The following C5orf22 variants were observed in gnomAD, a reference collection of about 807,000 sequenced individuals.
C5orf22 encodes chromosome 5 open reading frame 22.
C5orf22 carries 36 observed loss-of-function variants against 48.7 expected under a neutral mutation model. That is an observed-to-expected ratio of 0.74 (90% CI 0.57 to 0.98). The LOEUF (loss-of-function observed/expected upper bound fraction) is 0.98, where lower values mean the gene tolerates loss of function less well. Ranked by LOEUF, C5orf22 falls within the 50% of genes least tolerant of loss-of-function variation. The pLI is 0.00. For synonymous variants in C5orf22, 141 were observed against 180.8 expected (o/e 0.78, Z 1.76); for missense variants, 486 against 521.9 (o/e 0.93, Z 0.67).
rs549181787 is a variant in C5orf22, at chr5:31,533,449, G to A, written c.82-823G>A. Among the ~76,000 whole-genome samples the A allele has an allele frequency of 4.6e-5, 7 of 152,154 alleles. 1 individual carries two copies. The South Asian group carries it at 1.5e-3, about 32-fold the overall frequency. ...AAGTAGCATCAGTAGGCTTGGGATG[G>A]GAGGCAGTTCTCTGGACGTTAAAAA... On this transcript the variant is annotated intron_variant, in intron 1 of 8. Transcript: ENST00000325366.
rs1191624993 is a variant in C5orf22, at chr5:31,541,472, C to A, written c.992+70C>A. The A allele has an allele frequency of 3.3e-6, 5 of 1,530,190 alleles. No individual in the cohort carries two copies. The African/African-American group carries it at 4.1e-5, about 13-fold the overall frequency. The allele number at this position is 1,530,190 out of a possible 1,614,324, so 94.8% of individuals were successfully genotyped here. On this transcript the variant is annotated intron_variant, in intron 6 of 8. Transcript: ENST00000325366. Reference sequence around the variant, plus strand: ...AGTCCTAGATATGTTCCTAAATTTGCAAGATACATTGCTTTTAAAAAAGTA... The same window carrying A: ...AGTCCTAGATATGTTCCTAAATTTGAAAGATACATTGCTTTTAAAAAAGTA...
intron 2 of C5orf22, 102 bp downstream of exon 2, chr5:31,534,519 G>T: frequency 9.4e-7 from 1 of 1,068,484 alleles, no homozygotes; most frequent in Non-Finnish European, 1.3e-6. Flanking sequence ...CATGGGTTTG[G>T]GGGTTTTTTG....
intron 4 of C5orf22, 88 bp from the exon 5 acceptor site, chr5:31,540,861 A>G (rs1260303454): frequency 2.2e-6 from 2 of 917,816 alleles, no homozygotes; most frequent in Non-Finnish European, 3.5e-6. Flanking sequence ...TTGTATCACA[A>G]GGAAGGTTGT....
rs147175944 is a variant in C5orf22, at chr5:31,535,808, T to G, written c.292T>G (p.Trp98Gly). The change falls in exon 3 of 9, where the codon TGG becomes GGG. Residue 98 changes from tryptophan to glycine, a missense_variant. By Grantham distance (184) the Trp-to-Gly change is radical. This residue lies in a region of C5orf22 where 408 missense variants were observed against 444.0 expected (regional missense o/e 0.92). Coordinates refer to ENST00000325366, the MANE Select transcript of C5orf22 (RefSeq NM_018356.3). ...TGCTGGCCATTTTTCACATGTAATA[T>G]GGTTTCATCCCACATGGGCTCAGCA... ...VYAGHFSHVIWFHPTWAQQIR... is the reference protein window; with the variant it reads ...VYAGHFSHVIGFHPTWAQQIR... 6.2e-7 allele frequency: 1 copy of G among 1,613,280 alleles called. No homozygotes were observed. Among genetic ancestry groups the G allele is most frequent in the East Asian group, 2.2e-5 (1 of 44,816 alleles).
intron 8 of C5orf22, 98 bp downstream of exon 8, chr5:31,551,530 G>C: frequency 1.1e-6 from 1 of 935,472 alleles, no homozygotes; most frequent in Non-Finnish European, 1.6e-6. Flanking sequence ...AAGGAAATTC[G>C]CAGTGTGATT....
chr5:31,539,858 C>T (rs1007386203), intron 4 of C5orf22, among the ~76,000 whole-genome samples: 6 of 151,762 alleles, frequency 4.0e-5, no homozygotes, highest in Non-Finnish European at 8.8e-5. Context: ...GCGTAGGCAA[C>T]GTAGCAAGAC....
intron 1 of C5orf22, among the ~76,000 whole-genome samples, chr5:31,533,228 G>A (rs1296146953): frequency 2.6e-5 from 4 of 151,750 alleles, no homozygotes; most frequent in East Asian, 2.0e-4. Context: ...TGCTGGGATT[G>A]CAGGCGTGAG....
At position 31,532,397 on chromosome 5, in the gene C5orf22, G is replaced by A. The variant is rs1419087521; in HGVS notation, c.5G>A (p.Ser2Asn). 5 of 1,613,884 alleles carry A rather than the reference G, an allele frequency of 3.1e-6. No individual in the cohort carries two copies. Among genetic ancestry groups the A allele is most frequent in the African/African-American group, 2.7e-5 (2 of 74,894 alleles). Residue 2 changes from serine (S) to asparagine (N), a missense_variant, in exon 1 of 9, where the codon AGT (serine) becomes AAT (asparagine). Ser to Asn is a conservative substitution (Grantham distance 46, BLOSUM62 1). Transcript: ENST00000325366. Reference sequence around the variant, plus strand: ...AAAACTGACGGGCGCAAAAACATGAGTGACTCCGCGGGAGGGCGCGCTGGT... The same window carrying A: ...AAAACTGACGGGCGCAAAAACATGAATGACTCCGCGGGAGGGCGCGCTGGT... M[S>N]DSAGGRAGLR...
intron 5 of C5orf22, 94 bp downstream of exon 5, chr5:31,541,105 AGT>A (rs35650579): frequency 0.26 from 176,762 of 670,790 alleles, 8,332 homozygotes; most frequent in Non-Finnish European, 0.28. Flanking sequence ...GACTGCTCAA[AGT>A]GTGTGTGTGT....
In C5orf22 at chr5:31,535,801, T is replaced by G. The variant is rs754627032; in HGVS notation, c.285T>G (p.His95Gln). The change falls in exon 3 of 9, where the codon CAT becomes CAG. Residue 95 changes from histidine (H) to glutamine (Q), a missense_variant. This residue lies in a region of C5orf22 where 408 missense variants were observed against 444.0 expected (regional missense o/e 0.92). Coordinates refer to ENST00000325366, the MANE Select transcript of C5orf22 (RefSeq NM_018356.3). ...MPAVYAGHFS[H>Q]VIWFHPTWAQ... ...CAGTTTATGCTGGCCATTTTTCACA[T>G]GTAATATGGTTTCATCCCACATGGG... 6.2e-7 allele frequency: 1 copy of G among 1,613,156 alleles called. No homozygotes were observed. Among genetic ancestry groups the G allele is most frequent in the South Asian group, 1.1e-5 (1 of 90,876 alleles).
Position 31,534,433 on chromosome 5 carries a change from AT to A in C5orf22, c.227+19del. ...CACTCTTTGGGTAATATGTGATTTT[AT>A]TTATGGTCTTTTGTGTTTGAAGTAC... On this transcript the variant is annotated intron_variant, in intron 2 of 8. Transcript: ENST00000325366. 2 of 1,595,688 alleles carry A rather than the reference AT, an allele frequency of 1.3e-6. No individual in the cohort carries two copies. The highest frequency in any genetic ancestry group is 1.7e-6 in the Non-Finnish European group (2 of 1,172,766).
chr5:31,543,622 G>T lies in C5orf22; in HGVS notation c.993-2024G>T, dbSNP rs113664944. On this transcript the variant is annotated intron_variant, in intron 6 of 8. Transcript: ENST00000325366. The stretch of plus-strand genomic sequence containing the variant: ...AATGCTTTTTCCTCTTCAGTATAGG[G>T]TTCTAAAATGATTCCCTGTTTTTTG... Among the ~76,000 whole-genome samples, 602 of 152,222 alleles carry T rather than the reference G, an allele frequency of 4.0e-3. 8 individuals carry two copies. The highest frequency in any genetic ancestry group is 0.014 in the African/African-American group (584 of 41,532).
At chr5:31,536,047 T>A (rs1742056731) in intron 3 of C5orf22, among the ~76,000 whole-genome samples, 154 bp downstream of exon 3, 1 of 152,220 alleles carries the variant, frequency 6.6e-6, no homozygotes, top group South Asian at 2.1e-4. Context: ...AACAAACTTT[T>A]AAGTCTCTTG....
intron 3 of C5orf22, 140 bp downstream of exon 3, chr5:31,536,033 G>T: frequency 1.4e-6 from 1 of 734,452 alleles, no homozygotes; most frequent in Admixed American, 3.3e-5. Context: ...CTCAAAACAC[G>T]AAGAACAAAC....
chr5:31,539,592 G>A (rs1437526464), intron 4 of C5orf22, among the ~76,000 whole-genome samples: 1 of 152,174 alleles, frequency 6.6e-6, no homozygotes, highest in Non-Finnish European at 1.5e-5. Context: ...TCCTTTTAGA[G>A]TGCTATTAGG....
chr5:31,553,115 T>C lies in C5orf22; in HGVS notation c.*213T>C. The C allele has an allele frequency of 2.6e-6, 1 of 387,804 alleles. No homozygotes were observed. Among genetic ancestry groups the C allele is most frequent in the Non-Finnish European group, 4.6e-6 (1 of 216,204 alleles). 24.0% of individuals were successfully genotyped at this position (387,804 alleles called of 1,614,324 possible). On this transcript the variant is annotated 3_prime_UTR_variant, in exon 9 of 9. Coordinates refer to ENST00000325366, the MANE Select transcript of C5orf22 (RefSeq NM_018356.3). ...CTCATAACCCCAACTGATAGAACTG[T>C]TGCTTATCTGTCTTCCTTAAGTATT...
intron 2 of C5orf22, chr5:31,534,975 A>G (rs969019073): frequency 8.8e-6 from 4 of 454,664 alleles, no homozygotes; most frequent in Non-Finnish European, 1.3e-5. Context: ...TTGGATTCTC[A>G]CGTCTATTTC....
chr5:31,542,508 C>T (rs1742537503), intron 6 of C5orf22, among the ~76,000 whole-genome samples: 1 of 147,212 alleles, frequency 6.8e-6, no homozygotes, highest in African/African-American at 2.5e-5. Context: ...TAAGGAAAAC[C>T]CAAACACAAG....
chr5:31,532,663 G>A (rs561866595), intron 1 of C5orf22, among the ~76,000 whole-genome samples, 190 bp downstream of exon 1: 1 of 152,194 alleles, frequency 6.6e-6, no homozygotes, highest in East Asian at 1.9e-4. Flanking sequence ...ATTTATGGGC[G>A]CTTCCTACGA....
Sources: allele counts gnomAD v4.1 joint callset (sites outside exome capture counted in the v4.1 genomes callset), GRCh38; gene constraint gnomAD v4.1.1; regional missense constraint gnomAD v4.1.1; transcripts MANE v1.5; gene names NCBI Gene and HGNC (gene_info 2026-07-23, HGNC 2026-07-21).